The following UTP4 variants were observed in gnomAD, a reference collection of about 807,000 sequenced individuals.
UTP4 encodes the protein U3 small nucleolar RNA-associated protein 4 homolog.
In UTP4, 45 loss-of-function variants were observed where a neutral mutation model predicts 82.4. The observed-to-expected ratio is 0.55, with a 90% CI of 0.43 to 0.70. The LOEUF (loss-of-function observed/expected upper bound fraction) is 0.70, where lower values mean the gene tolerates loss of function less well. UTP4 is among the 30% of genes least tolerant of loss of function. The probability of loss-of-function intolerance (pLI) is 0.00; values close to 1 mark genes in which losing one functional copy is unlikely to be tolerated. For missense variants in UTP4, 819 were observed against 858.3 expected (o/e 0.95, Z 0.57); for synonymous variants, 348 against 300.3 (o/e 1.16, Z -1.64).
chr16:69,157,236 G>C lies in UTP4; in HGVS notation c.1440G>C (p.Gln480His). 6.2e-7 allele frequency: 1 copy of C among 1,614,018 alleles called. No individual in the cohort carries two copies. The highest frequency in any genetic ancestry group is 1.3e-5 in the African/African-American group (1 of 75,058). The change falls in exon 12 of 17, where the codon CAG becomes CAC. Residue 480 changes from glutamine (Q) to histidine (H), a missense_variant. Coordinates refer to ENST00000314423, the MANE Select transcript of UTP4 (RefSeq NM_032830.3). ...AGCACCTGCATGCTTTCCAGCCTCA[G>C]TCAGGTGGGAATCTGGTAACTGGCC... ...SFKHLHAFQP[Q>H]SGTVEAMCLL...
At chr16:69,163,684 TA>T (rs35216155) in intron 14 of UTP4, among the ~76,000 whole-genome samples, 59 of 142,412 alleles carry the variant, frequency 4.1e-4, no homozygotes, top group Admixed American at 4.9e-4. Context: ...AGGAGATCTT[TA>T]AAAAAAAAAA....
chr16:69,139,393 C>G (rs1206838376), intron 4 of UTP4, among the ~76,000 whole-genome samples: 1 of 151,812 alleles, frequency 6.6e-6, no homozygotes, highest in Non-Finnish European at 1.5e-5. Flanking sequence ...AATCCCAGTA[C>G]TTTGGGAGGC....
rs1028701206 is a variant in UTP4 at position 69,153,760 on chromosome 16, T to C, written c.1099+80T>C. 1.2e-5 allele frequency: 12 copies of C among 975,500 alleles called. No individual in the cohort carries two copies. In the African/African-American group the frequency reaches 1.8e-4, roughly 14 times the overall value. The allele number at this position is 975,500 out of a possible 1,614,324, so 60.4% of individuals were successfully genotyped here. Reference sequence around the variant, plus strand: ...TCAGAATTGCGGTTGGAATTCTGCTTATAGAAAAACTGAAGTAGACTTTTG... The same window carrying C: ...TCAGAATTGCGGTTGGAATTCTGCTCATAGAAAAACTGAAGTAGACTTTTG... On this transcript the variant is annotated intron_variant, in intron 9 of 16. Coordinates refer to ENST00000314423, the MANE Select transcript of UTP4 (RefSeq NM_032830.3).
At position 69,133,604 on chromosome 16, in the gene UTP4, T is replaced by C; in HGVS notation, c.145T>C (p.Tyr49His). ...GGAAATTTATAACTTGTCAGCAAAC[T>C]ACTTTCAGGAGAAAGTAAGTCATTT... Reference protein sequence around the residue: ...TVEIYNLSANYFQEKFFPGHE... With the variant: ...TVEIYNLSANHFQEKFFPGHE... The change falls in exon 2 of 17, where the codon TAC becomes CAC. Residue 49 changes from tyrosine (Y) to histidine (H), a missense_variant. Coordinates refer to ENST00000314423, the MANE Select transcript of UTP4 (RefSeq NM_032830.3). The C allele has an allele frequency of 1.2e-6, 2 of 1,614,162 alleles. No homozygotes were observed. Among genetic ancestry groups the C allele is most frequent in the Non-Finnish European group, 1.7e-6 (2 of 1,179,998 alleles).
At chr16:69,153,457 A>C (rs1455170111) in intron 8 of UTP4, 127 bp from the exon 9 acceptor site, 1 of 729,208 alleles carries the variant, frequency 1.4e-6, no homozygotes, top group Non-Finnish European at 2.5e-6. Flanking sequence ...GGGAGTACTT[A>C]GGAAATATTT....
chr16:69,143,553 G>A (rs1010733524), intron 6 of UTP4, among the ~76,000 whole-genome samples, 164 bp downstream of exon 6: 5 of 152,140 alleles, frequency 3.3e-5, no homozygotes, highest in African/African-American at 1.2e-4. Flanking sequence ...TGTTTCCATA[G>A]TACCTAACAA....
At chr16:69,164,277 GA>G (rs1215888270) in intron 14 of UTP4, among the ~76,000 whole-genome samples, 2 of 152,126 alleles carry the variant, frequency 1.3e-5, no homozygotes, top group Non-Finnish European at 1.5e-5. Flanking sequence ...ACCAAAGACT[GA>G]AAGAGTAGTG....
intron 4 of UTP4, among the ~76,000 whole-genome samples, chr16:69,138,410 G>A (rs1310455944): frequency 6.6e-6 from 1 of 151,926 alleles, no homozygotes; most frequent in Non-Finnish European, 1.5e-5. Flanking sequence ...GCTAATTTTC[G>A]TATTTTTAGT....
chr16:69,165,194 C>CAAAA, intron 14 of UTP4, 147 bp from the exon 15 acceptor site: 1 of 590,690 alleles, frequency 1.7e-6, no homozygotes, highest in Non-Finnish European at 2.8e-6. Flanking sequence ...GACTCCATCT[C>CAAAA]AAAAAAAAAA....
At chr16:69,141,049 GTCTC>G (rs1230085947) in intron 5 of UTP4, among the ~76,000 whole-genome samples, 1 of 152,108 alleles carries the variant, frequency 6.6e-6, no homozygotes, top group African/African-American at 2.4e-5. Flanking sequence ...TAGTGTCTCT[GTCTC>G]TCTGTCTTAC....
In UTP4 at chr16:69,151,056, G is replaced by C. The variant is rs1470680680; in HGVS notation, c.1002+152G>C. The stretch of plus-strand genomic sequence containing the variant: ...GAGTTTGCTCTTGTTGCCCAGGCTG[G>C]AGTGCAATGGCGCGATCTCGGCTCA... On this transcript the variant is annotated intron_variant, in intron 8 of 16. Transcript: ENST00000314423. 2.0e-5 allele frequency: 14 copies of C among 683,812 alleles called. No individual in the cohort carries two copies. In the Admixed American group the frequency reaches 3.1e-4, roughly 15 times the overall value. 42.4% of individuals were successfully genotyped at this position (683,812 alleles called of 1,614,324 possible).
At position 69,136,923 on chromosome 16, in the gene UTP4, T is replaced by A. The variant is rs767234179; in HGVS notation, c.351+36T>A. On this transcript the variant is annotated intron_variant, in intron 3 of 16. Coordinates refer to ENST00000314423, the MANE Select transcript of UTP4 (RefSeq NM_032830.3). ...AACTATTGGTAATTCAAACCAAAAT[T>A]TCTCTCGTGCCTGCTCAGACTTTCT... is the stretch of plus-strand genomic sequence containing the variant. 32 of 1,575,248 alleles carry A rather than the reference T, an allele frequency of 2.0e-5. No homozygotes were observed. The Admixed American group carries it at 5.0e-4, about 25-fold the overall frequency.
intron 12 of UTP4, among the ~76,000 whole-genome samples, chr16:69,157,547 G>C (rs1963452510): frequency 6.6e-6 from 1 of 152,136 alleles, no homozygotes; most frequent in African/African-American, 2.4e-5. Context: ...TTGCAATCCT[G>C]ACACCCAGAA....
chr16:69,152,795 A>T (rs971583859), intron 8 of UTP4, among the ~76,000 whole-genome samples: 2 of 150,720 alleles, frequency 1.3e-5, no homozygotes, highest in Admixed American at 1.3e-4. Flanking sequence ...TTTATTTTTT[A>T]TTTTTTTTAA....
Position 69,139,933 on chromosome 16 carries a change from T to G in UTP4, c.526+19T>G. On this transcript the variant is annotated intron_variant, in intron 5 of 16. Coordinates refer to ENST00000314423, the MANE Select transcript of UTP4 (RefSeq NM_032830.3). ...AAATCAGGTGATTGTTTTTTTCAGT[T>G]CATTTGGGGTGTGGGTTTTGTCAGA... is the stretch of plus-strand genomic sequence containing the variant. The G allele has an allele frequency of 1.3e-6, 2 of 1,553,036 alleles. No individual in the cohort carries two copies. The highest frequency in any genetic ancestry group is 1.8e-6 in the Non-Finnish European group (2 of 1,124,484).
chr16:69,159,858 G>T (rs1447906256), intron 12 of UTP4, among the ~76,000 whole-genome samples: 1 of 151,840 alleles, frequency 6.6e-6, no homozygotes, highest in East Asian at 1.9e-4. Context: ...CATGGTGGTG[G>T]GTGCCTGTAA....
At chr16:69,148,589 T>C (rs1295212972) in intron 6 of UTP4, among the ~76,000 whole-genome samples, 1 of 151,866 alleles carries the variant, frequency 6.6e-6, no homozygotes, top group Non-Finnish European at 1.5e-5. Context: ...TGCCTTCAAT[T>C]CTTTTGGATG....
At chr16:69,160,887 C>T (rs767629013) in intron 13 of UTP4, among the ~76,000 whole-genome samples, 2 of 152,066 alleles carry the variant, frequency 1.3e-5, no homozygotes, top group Non-Finnish European at 2.9e-5. Context: ...TGAGCCACCG[C>T]GCCTGGCCAG....
intron 2 of UTP4, 24 bp downstream of exon 2, chr16:69,133,642 T>C (rs9929653): frequency 8.7e-6 from 14 of 1,612,138 alleles, no homozygotes; most frequent in East Asian, 6.7e-5. Context: ...GAGTCTGATA[T>C]GGTGTTTTGA....
Sources: gnomAD v4.1 joint callset for allele counts (sites outside exome capture counted in the v4.1 genomes callset) on GRCh38, gnomAD v4.1.1 for gene constraint, MANE v1.5 for transcripts, NCBI Gene and HGNC (gene_info 2026-07-23, HGNC 2026-07-21) for gene names.